Variants in TBXAS1 observed in about 807,000 individuals in gnomAD.
TBXAS1 encodes the protein thromboxane-A synthase.
Under a neutral mutation model 60.7 loss-of-function variants are expected in TBXAS1, and 48 were observed. That is an observed-to-expected ratio of 0.79 (90% confidence interval 0.63 to 1.01). The LOEUF is 1.01. TBXAS1 is among the 50% of genes least tolerant of loss of function. TBXAS1 has a pLI of 0.00. For synonymous variants in TBXAS1, 287 were observed against 269.7 expected (o/e 1.06, Z -0.63); for missense variants, 685 against 686.3 (o/e 1.00, Z 0.02).
chr7:140,018,633 ACACT>A (rs143455474), intron 12 of TBXAS1, among the ~76,000 whole-genome samples: 3,630 of 152,266 alleles, frequency 0.024, 126 homozygotes, highest in African/African-American at 0.082. Context: ...CCCTGCTTTC[ACACT>A]CACAGCAACC....
chr7:139,913,111 G>A (rs190723471), intron 4 of TBXAS1: 9 of 702,842 alleles, frequency 1.3e-5, no homozygotes, highest in Non-Finnish European at 5.2e-6. Flanking sequence ...GCCTCTAGAG[G>A]GATGTGGCCT....
intron 4 of TBXAS1, among the ~76,000 whole-genome samples, chr7:139,796,206 C>T (rs1797566411): frequency 6.6e-6 from 1 of 152,178 alleles, no homozygotes; most frequent in African/African-American, 2.4e-5. Context: ...TTTTTGGTAT[C>T]CTCATAGAAC....
intron 1 of TBXAS1, among the ~76,000 whole-genome samples, chr7:139,842,549 A>G (rs1035633581): frequency 6.6e-6 from 1 of 152,232 alleles, no homozygotes; most frequent in Non-Finnish European, 1.5e-5. Context: ...TGGGAATGAG[A>G]CTGGCGAGAA....
At chr7:139,994,296 G>C (rs549521932) in intron 9 of TBXAS1, among the ~76,000 whole-genome samples, 3 of 152,334 alleles carry the variant, frequency 2.0e-5, no homozygotes, top group African/African-American at 4.8e-5. Context: ...GCCTGCCTTG[G>C]CCTCCCAAAG....
chr7:139,939,636 A>T (rs1166557074), intron 5 of TBXAS1, among the ~76,000 whole-genome samples: 3 of 151,916 alleles, frequency 2.0e-5, no homozygotes, highest in Non-Finnish European at 4.4e-5. Flanking sequence ...CTTCAAGAAG[A>T]AGTTGGCTGT....
At chr7:139,844,193 G>T (rs1484499827) in intron 1 of TBXAS1, among the ~76,000 whole-genome samples, 2 of 152,134 alleles carry the variant, frequency 1.3e-5, no homozygotes, top group Admixed American at 6.5e-5. Flanking sequence ...TCTGAGTGGG[G>T]TATCCTGACA....
At chr7:139,963,859 G>C (rs1455548473) in intron 9 of TBXAS1, among the ~76,000 whole-genome samples, 1 of 152,162 alleles carries the variant, frequency 6.6e-6, no homozygotes, top group African/African-American at 2.4e-5. Context: ...TCTCAAACTG[G>C]TGCACAGGTC....
Position 139,783,138 on chromosome 7 carries a change from G to A in TBXAS1, c.-169+409G>A, listed in dbSNP as rs573832490. Among the ~76,000 whole-genome samples the A allele has an allele frequency of 3.3e-5, 5 of 152,240 alleles. No homozygotes were observed. The East Asian group carries it at 9.7e-4, about 29-fold the overall frequency. On this transcript the variant is annotated intron_variant, in intron 3 of 16. Transcript: ENST00000336425. ...GGAACAATAGAGCTGTGGCTTTAAG[G>A]GCAAAGGGGAGAGCGAGGCTTGGCA...
chr7:139,835,159 C>T (rs192253130), intron 1 of TBXAS1, among the ~76,000 whole-genome samples: 3 of 151,404 alleles, frequency 2.0e-5, no homozygotes, highest in Non-Finnish European at 2.9e-5. Context: ...CTCTGCCTCC[C>T]GGGTTCATGC....
At chr7:139,988,407 C>T (rs568767831) in intron 9 of TBXAS1, among the ~76,000 whole-genome samples, 85 of 152,360 alleles carry the variant, frequency 5.6e-4, no homozygotes, top group South Asian at 2.3e-3. Context: ...CATGGTCCCA[C>T]CTGGCCCCAT....
At chr7:139,885,756 T>C (rs893083126) in intron 3 of TBXAS1, among the ~76,000 whole-genome samples, 1 of 152,226 alleles carries the variant, frequency 6.6e-6, no homozygotes, top group African/African-American at 2.4e-5. Flanking sequence ...AGGAACTTTT[T>C]CCAAACAAGT....
Position 139,809,365 on chromosome 7 carries a change from TAGACAGAC to T in TBXAS1, c.-79-19943_-79-19936del, listed in dbSNP as rs1158397404. Among the ~76,000 whole-genome samples, 372 of 137,032 alleles carry T rather than the reference TAGACAGAC, an allele frequency of 2.7e-3. 3 individuals carry two copies. Among genetic ancestry groups the T allele is most frequent in the African/African-American group, 9.6e-3 (352 of 36,506 alleles). The allele number at this position is 137,032 out of a possible 152,430, so 89.9% of individuals were successfully genotyped here. A position where few individuals can be genotyped will look rare whatever the true frequency, so the allele number is the denominator to read the frequency against. On this transcript the variant is annotated intron_variant, in intron 4 of 16. Coordinates refer to the TBXAS1 transcript ENST00000336425. ...ATAGATAGATAGATAGATAGATAGA[TAGACAGAC>T]AGAACCAACAGGAGATAGATACATA...
At chr7:139,869,076 G>A (rs777518161) in intron 1 of TBXAS1, among the ~76,000 whole-genome samples, 1 of 152,110 alleles carries the variant, frequency 6.6e-6, no homozygotes, top group Non-Finnish European at 1.5e-5. Flanking sequence ...TAGGTTTATA[G>A]GCATGAGCCA....
chr7:139,897,886 C>T (rs1207488699), intron 3 of TBXAS1, among the ~76,000 whole-genome samples: 1 of 152,184 alleles, frequency 6.6e-6, no homozygotes, highest in Admixed American at 6.5e-5. Flanking sequence ...CTCAAGAAAA[C>T]TCTCCCTGGT....
chr7:139,842,968 C>T (rs1249653961), intron 1 of TBXAS1, among the ~76,000 whole-genome samples: 1 of 152,196 alleles, frequency 6.6e-6, no homozygotes, highest in Non-Finnish European at 1.5e-5. Context: ...TGGCTTCCAC[C>T]AATGCCTTGT....
In TBXAS1 at chr7:139,860,165, G is replaced by A. The variant is rs76292645; in HGVS notation, c.90-12070G>A. 8.6e-3 allele frequency among the ~76,000 whole-genome samples: 1,311 copies of A among 152,156 alleles called. 26 individuals carry two copies. The highest frequency in any genetic ancestry group is 0.03 in the African/African-American group (1,228 of 41,510). On this transcript the variant is annotated intron_variant, in intron 1 of 12. Transcript: ENST00000448866. ...CAACAACAACAAAACTAAAGAATAT[G>A]TATTCTTGGCTGTTTCAGTGGTAGG... is the stretch of plus-strand genomic sequence containing the variant.
Position 139,870,410 on chromosome 7 carries a change from A to C in TBXAS1, c.90-1825A>C, listed in dbSNP as rs56083595. On this transcript the variant is annotated intron_variant, in intron 1 of 12. Transcript: ENST00000448866. The stretch of plus-strand genomic sequence containing the variant: ...AAATAATTCAAAAAAGCTGATGAAG[A>C]AATGAACATAGACACGAATTTGAGG... 7.8e-3 allele frequency among the ~76,000 whole-genome samples: 1,191 copies of C among 152,368 alleles called. 20 individuals are homozygous for C. Among genetic ancestry groups the C allele is most frequent in the African/African-American group, 0.027 (1,120 of 41,578 alleles).
At chr7:140,011,658 T>A (rs2116428100) in intron 10 of TBXAS1, among the ~76,000 whole-genome samples, 1 of 152,238 alleles carries the variant, frequency 6.6e-6, no homozygotes. Flanking sequence ...AGTAGAAGGC[T>A]GTCTGCCAGG....
At chr7:139,900,178 G>T (rs1203765554) in intron 3 of TBXAS1, among the ~76,000 whole-genome samples, 1 of 152,172 alleles carries the variant, frequency 6.6e-6, no homozygotes, top group Non-Finnish European at 1.5e-5. Context: ...ATAGGAAGTA[G>T]ACCTAAAATT....
Sources: allele counts gnomAD v4.1 joint callset (sites outside exome capture counted in the v4.1 genomes callset), GRCh38; gene constraint gnomAD v4.1.1; transcripts MANE v1.5; gene names NCBI Gene and HGNC (gene_info 2026-07-23, HGNC 2026-07-21).